The following CPA6 variants were observed in gnomAD, a reference collection of about 807,000 sequenced individuals.
The protein encoded by CPA6 is carboxypeptidase A6, also known as carboxypeptidase B.
A neutral mutation model predicts 63.3 loss-of-function variants in CPA6; 58 were observed. That is an observed-to-expected ratio of 0.92 (90% CI 0.74 to 1.14). CPA6 has a LOEUF of 1.14. Ranked by LOEUF, CPA6 falls within the 50% of genes most tolerant of loss-of-function variation. The pLI, the probability that CPA6 is intolerant of heterozygous loss-of-function variation, is 0.00. For synonymous variants in CPA6, 185 were observed against 179.0 expected (o/e 1.03, Z -0.27); for missense variants, 565 against 526.6 (o/e 1.07, Z -0.71).
At chr8:67,638,124 T>C (rs912901853) in intron 1 of CPA6, among the ~76,000 whole-genome samples, 3 of 151,224 alleles carry the variant, frequency 2.0e-5, no homozygotes, top group Admixed American at 2.0e-4. Flanking sequence ...CTGGGGCCAG[T>C]GGTTATCCTG....
intron 2 of CPA6, among the ~76,000 whole-genome samples, chr8:67,623,063 G>GA (rs150839057): frequency 0.026 from 3,956 of 152,272 alleles, 88 homozygotes; most frequent in African/African-American, 0.056. Flanking sequence ...CCTTTGCCAA[G>GA]AAAATTCTCT....
intron 10 of CPA6, 111 bp downstream of exon 10, chr8:67,427,936 C>T (rs1449132553): frequency 4.5e-6 from 3 of 668,360 alleles, no homozygotes; most frequent in Non-Finnish European, 7.7e-6. Context: ...ATTTGATAGT[C>T]AAAATTTTCA....
At chr8:67,712,139 T>C (rs1231545749) in intron 1 of CPA6, among the ~76,000 whole-genome samples, 1 of 151,988 alleles carries the variant, frequency 6.6e-6, no homozygotes, top group Non-Finnish European at 1.5e-5. Context: ...GGAACAGCAA[T>C]CTTCCATGGC....
chr8:67,655,595 T>G lies in CPA6; in HGVS notation c.117-31344A>C, dbSNP rs145969350. On this transcript the variant is annotated intron_variant, in intron 1 of 10. Coordinates refer to ENST00000297770, the MANE Select transcript of CPA6 (RefSeq NM_020361.5). The stretch of plus-strand genomic sequence containing the variant: ...TTCTTTGGTCCTGCATTAATCAGTA[T>G]CTGTGGAAAAAGCAAACCCTCCTCT... Among the ~76,000 whole-genome samples, 793 of 152,240 alleles carry G rather than the reference T, an allele frequency of 5.2e-3. 8 individuals are homozygous for G. The highest frequency in any genetic ancestry group is 0.018 in the African/African-American group (745 of 41,542).
In CPA6 at chr8:67,422,563, T is replaced by G; in HGVS notation, c.1255A>C (p.Thr419Pro). ...LPEMLIKPTC[T>P]ETMLAVKNIT... ...TTTTTCACAGCCAGCATAGTTTCTG[T>G]ACAGGTGGGTTTGATGAGCATCTCT... Residue 419 changes from threonine (T) to proline (P), a missense_variant, in exon 11 of 11, where the codon ACA becomes CCA. Physicochemically the swap from Thr to Pro is conservative, Grantham distance 38 (BLOSUM62 -1). Transcript: ENST00000297770. 1 of 1,614,156 alleles carries G rather than the reference T, an allele frequency of 6.2e-7. No homozygotes were observed. The highest frequency in any genetic ancestry group is 8.5e-7 in the Non-Finnish European group (1 of 1,180,002).
chr8:67,648,715 TG>T (rs1815770598), intron 1 of CPA6, among the ~76,000 whole-genome samples: 1 of 152,244 alleles, frequency 6.6e-6, no homozygotes, highest in Non-Finnish European at 1.5e-5. Flanking sequence ...GTTTTTCTTT[TG>T]GTGTGTTAAA....
intron 8 of CPA6, among the ~76,000 whole-genome samples, chr8:67,463,277 C>T (rs1010532104): frequency 6.6e-6 from 1 of 151,896 alleles, no homozygotes; most frequent in Non-Finnish European, 1.5e-5. Context: ...AACTCTGTCT[C>T]CACTAAAAAT....
intron 8 of CPA6, among the ~76,000 whole-genome samples, chr8:67,456,677 C>G (rs980349664): frequency 6.6e-6 from 1 of 152,054 alleles, no homozygotes; most frequent in Admixed American, 6.6e-5. Context: ...GAAATAATGG[C>G]CCCCCAAAAT....
At chr8:67,540,578 C>T (rs779351818) in intron 2 of CPA6, among the ~76,000 whole-genome samples, 9 of 152,202 alleles carry the variant, frequency 5.9e-5, no homozygotes, top group Non-Finnish European at 1.0e-4. Context: ...CAGGCAGGAA[C>T]GTTTAAGTCT....
chr8:67,482,586 C>T (rs1811382749), intron 8 of CPA6, among the ~76,000 whole-genome samples: 1 of 152,160 alleles, frequency 6.6e-6, no homozygotes, highest in Non-Finnish European at 1.5e-5. Context: ...ACCAACTGAT[C>T]TGAGGCTTAG....
chr8:67,734,008 G>GA lies in CPA6; in HGVS notation c.116+12005dup, dbSNP rs1817766434. 2.0e-5 allele frequency among the ~76,000 whole-genome samples: 3 copies of GA among 151,668 alleles called. No homozygotes were observed. In the South Asian group the frequency reaches 6.3e-4, roughly 32 times the overall value. ...TCCTGCCTTGGCGTCCCTAGTAGTGGAAGTGCAGGCATGCGCCACCACACC... is the reference window on the plus strand; with the variant it reads ...TCCTGCCTTGGCGTCCCTAGTAGTGGAAAGTGCAGGCATGCGCCACCACACC... On this transcript the variant is annotated intron_variant, in intron 1 of 10. Transcript: ENST00000297770.
chr8:67,699,273 G>A lies in CPA6; in HGVS notation c.116+46741C>T, dbSNP rs146342822. 4.3e-3 allele frequency among the ~76,000 whole-genome samples: 657 copies of A among 152,072 alleles called. 3 individuals are homozygous for A. The highest frequency in any genetic ancestry group is 0.015 in the African/African-American group (611 of 41,492). On this transcript the variant is annotated intron_variant, in intron 1 of 10. Transcript: ENST00000297770. ...TCTATCAAAAATAAAAAAATTATCC[G>A]GGTGTGGTGGCATGTACCTATAGTC... is the stretch of plus-strand genomic sequence containing the variant.
intron 1 of CPA6, among the ~76,000 whole-genome samples, chr8:67,721,120 T>C (rs1317310985): frequency 6.6e-6 from 1 of 152,216 alleles, no homozygotes; most frequent in African/African-American, 2.4e-5. Flanking sequence ...GTCTAACATA[T>C]GGAGTTAATG....
At chr8:67,636,098 G>A (rs1815463165) in intron 1 of CPA6, among the ~76,000 whole-genome samples, 1 of 151,558 alleles carries the variant, frequency 6.6e-6, no homozygotes, top group African/African-American at 2.4e-5. Flanking sequence ...GGGGGTAGAT[G>A]TGTGGTATAA....
chr8:67,437,167 G>A (rs372174354), intron 8 of CPA6, among the ~76,000 whole-genome samples: 20 of 152,280 alleles, frequency 1.3e-4, no homozygotes, highest in African/African-American at 4.3e-4. Context: ...AGGACGAGGC[G>A]GGCGGATCAC....
intron 2 of CPA6, among the ~76,000 whole-genome samples, chr8:67,532,384 G>GA (rs35185775): frequency 0.29 from 44,130 of 151,932 alleles, 6,570 homozygotes; most frequent in South Asian, 0.41. Flanking sequence ...CGGTGTAATT[G>GA]AAAACTTAAA....
At chr8:67,615,088 T>C (rs938866564) in intron 2 of CPA6, among the ~76,000 whole-genome samples, 2 of 152,188 alleles carry the variant, frequency 1.3e-5, no homozygotes, top group African/African-American at 4.8e-5. Flanking sequence ...ATCAGGACAA[T>C]GGTGCACTTC....
intron 1 of CPA6, among the ~76,000 whole-genome samples, chr8:67,666,889 C>A (rs911015824): frequency 1.4e-4 from 21 of 152,170 alleles, no homozygotes; most frequent in African/African-American, 3.9e-4. Context: ...GGGCCTTAGG[C>A]CTGAGAAATA....
chr8:67,727,003 AC>A (rs1176074481), intron 1 of CPA6, among the ~76,000 whole-genome samples: 1 of 152,250 alleles, frequency 6.6e-6, no homozygotes, highest in Non-Finnish European at 1.5e-5. Flanking sequence ...ACAAGGCACC[AC>A]AGAAGCTGCA....
Sources: gnomAD v4.1 joint callset for allele counts (sites outside exome capture counted in the v4.1 genomes callset) on GRCh38, gnomAD v4.1.1 for gene constraint, MANE v1.5 for transcripts, NCBI Gene and HGNC (gene_info 2026-07-23, HGNC 2026-07-21) for gene names.